PPFIA4: variants seen among roughly 807,000 people sequenced by gnomAD.
PPFIA4 encodes the protein PPFI scaffold protein A4.
In PPFIA4, 98 loss-of-function variants were observed where a neutral mutation model predicts 145.7. That is an observed-to-expected ratio of 0.67 (90% CI 0.57 to 0.80). PPFIA4 has a LOEUF of 0.80. PPFIA4 is among the 30% of genes least tolerant of loss of function. The pLI is 0.00. For missense variants in PPFIA4, 1,457 were observed against 1,632.7 expected (o/e 0.89, Z 1.85); for synonymous variants, 628 against 649.6 (o/e 0.97, Z 0.51).
chr1:203,052,197 CT>C (rs1261868740), intron 14 of PPFIA4, among the ~76,000 whole-genome samples: 2 of 152,006 alleles, frequency 1.3e-5, no homozygotes. Flanking sequence ...GGTGGGGGAG[CT>C]TCACGGGTAA....
intron 14 of PPFIA4, among the ~76,000 whole-genome samples, 171 bp downstream of exon 14, chr1:203,052,048 C>A (rs565812070): frequency 1.5e-5 from 2 of 136,278 alleles, no homozygotes; most frequent in African/African-American, 5.7e-5. Context: ...CAGCTGTGCC[C>A]CCCCCCCCGC....
Position 203,076,344 on chromosome 1 carries a change from A to G in PPFIA4, c.3578A>G (p.His1193Arg). The G allele has an allele frequency of 1.2e-6, 2 of 1,604,686 alleles. No homozygotes were observed. Among genetic ancestry groups the G allele is most frequent in the South Asian group, 1.1e-5 (1 of 91,024 alleles). The change falls in exon 30 of 30, where the codon CAC (histidine) becomes CGC (arginine). Residue 1193 changes from histidine (H) to arginine (R), a missense_variant. His to Arg is a conservative substitution (Grantham distance 29, BLOSUM62 0). This residue lies in a region of PPFIA4 where 146 missense variants were observed against 126.2 expected (regional missense o/e 1.16). Transcript: ENST00000295706. Reference sequence around the variant, plus strand: ...CCTGTCTCTCTCTCTCCCTCAGCTCACTCCCACTATCTCTACGGACACATG... The same window carrying G: ...CCTGTCTCTCTCTCTCCCTCAGCTCGCTCCCACTATCTCTACGGACACATG... ...APPKKIMPEA[H>R]SHYLYGHMLS...
At position 203,043,311 on chromosome 1, in the gene PPFIA4, G is replaced by A. The variant is rs1471282355; in HGVS notation, c.235-86G>A. ...GAGGTGGTGGAAGTAAGGGATGGGT[G>A]AGAGGATCCCACCACTGACTTGCAT... On this transcript the variant is annotated intron_variant, in intron 2 of 29. Transcript: ENST00000295706. The surrounding 1 kb of genome is among the most constrained non-coding windows in gnomAD (Gnocchi z 4.4). The A allele has an allele frequency of 2.5e-6, 3 of 1,182,044 alleles. No individual in the cohort carries two copies. The highest frequency in any genetic ancestry group is 2.6e-5 in the East Asian group (1 of 39,066). 73.2% of individuals were successfully genotyped at this position (1,182,044 alleles called of 1,614,324 possible).
chr1:203,070,194 G>C (rs564475910), intron 27 of PPFIA4, among the ~76,000 whole-genome samples: 4 of 152,086 alleles, frequency 2.6e-5, no homozygotes, highest in Non-Finnish European at 5.9e-5. Context: ...CCTCCCTATG[G>C]CTTTCTAACC....
At chr1:203,053,553 A>C in intron 14 of PPFIA4, 200 bp from the exon 15 acceptor site, 1 of 416,342 alleles carries the variant, frequency 2.4e-6, no homozygotes. Context: ...CAAACCAAAA[A>C]CCAAAAACCA....
chr1:203,028,440 A>T (rs953302631), intron 1 of PPFIA4, among the ~76,000 whole-genome samples: 1 of 152,166 alleles, frequency 6.6e-6, no homozygotes, highest in Non-Finnish European at 1.5e-5. Context: ...GAGAATGAGT[A>T]GTCAGGCTGT....
chr1:203,049,631 T>G (rs1338496463), intron 12 of PPFIA4, 45 bp from the exon 13 acceptor site: 17 of 756,112 alleles, frequency 2.2e-5, no homozygotes, highest in Non-Finnish European at 3.2e-5. Context: ...TCTCTGCCCC[T>G]CCCTGGCCCC....
At chr1:203,064,560 C>G (rs2102681045) in intron 25 of PPFIA4, among the ~76,000 whole-genome samples, 2 of 152,320 alleles carry the variant, frequency 1.3e-5, no homozygotes, top group Middle Eastern at 6.8e-3. Flanking sequence ...CGGCGCAGGT[C>G]CCAAACTGGC....
At chr1:203,041,405 A>G (rs1659685503) in intron 2 of PPFIA4, among the ~76,000 whole-genome samples, 1 of 152,202 alleles carries the variant, frequency 6.6e-6, no homozygotes, top group Non-Finnish European at 1.5e-5. Flanking sequence ...CAGCCTGGGC[A>G]ATGTGGCAAA....
intron 25 of PPFIA4, among the ~76,000 whole-genome samples, chr1:203,066,814 G>A (rs1203821383): frequency 1.3e-5 from 2 of 152,194 alleles, no homozygotes; most frequent in East Asian, 3.8e-4. Context: ...TAGAGTCCCT[G>A]CTCTGTGCTA....
At chr1:203,027,726 G>A (rs747842627) in intron 1 of PPFIA4, among the ~76,000 whole-genome samples, 11 of 152,226 alleles carry the variant, frequency 7.2e-5, no homozygotes, top group Non-Finnish European at 1.6e-4. Flanking sequence ...TATGCTCGGT[G>A]CTAGGTCTTC....
intron 18 of PPFIA4, 42 bp downstream of exon 18, chr1:203,056,550 G>A (rs200518979): frequency 1.9e-6 from 3 of 1,600,056 alleles, no homozygotes; most frequent in East Asian, 2.3e-5. Context: ...CCATCCACAG[G>A]GTCCTCTCCT....
At chr1:203,046,449 A>AG in intron 9 of PPFIA4, 67 bp downstream of exon 9, 1 of 1,501,436 alleles carries the variant, frequency 6.7e-7, no homozygotes. Context: ...GGAGCCAGGC[A>AG]GGGAAGGGAG....
In PPFIA4 at chr1:203,056,930, G is replaced by A. The variant is rs201705001; in HGVS notation, c.2387G>A (p.Arg796Gln). Residue 796 changes from arginine (R) to glutamine (Q), a missense_variant, in exon 19 of 30, where the codon CGG (arginine) becomes CAG (glutamine). Physicochemically the swap from Arg to Gln is conservative, Grantham distance 43 (BLOSUM62 1). Around this residue, in one of 3 missense-constraint regions of PPFIA4, gnomAD observed 848 missense variants for 1,046.7 expected, o/e 0.81. Transcript: ENST00000295706. ...KEKGRLIQLS[R>Q]DGATGHVLLT... ...AAGGGCAGGCTGATCCAGCTGAGTC[G>A]GGATGGAGCCACAGGCCATGGTCTC... The A allele has an allele frequency of 2.0e-4, 325 of 1,613,922 alleles. No individual in the cohort carries two copies. The highest frequency in any genetic ancestry group is 2.7e-4 in the Non-Finnish European group (315 of 1,179,906).
chr1:203,057,787 T>TG (rs1396239050), intron 19 of PPFIA4, among the ~76,000 whole-genome samples: 1 of 151,976 alleles, frequency 6.6e-6, no homozygotes, highest in Non-Finnish European at 1.5e-5. Context: ...TATGGAATGG[T>TG]GGGGACAACA....
At chr1:203,034,499 A>G (rs1273201097) in intron 1 of PPFIA4, 3 of 456,554 alleles carry the variant, frequency 6.6e-6, no homozygotes, top group South Asian at 1.5e-5. Context: ...TGAGAGCCCC[A>G]AGGACGAGGG....
In PPFIA4 at chr1:203,038,976, C is replaced by G. The variant is rs145592374; in HGVS notation, c.-33C>G. On this transcript the variant is annotated 5_prime_UTR_variant, in exon 2 of 30. Coordinates refer to ENST00000295706, the MANE Select transcript of PPFIA4 (RefSeq NM_001304331.2). ...CAACCCTGTGAGTCCCTCCCTGTCC[C>G]CTGACGCTGAGAAGGCCCTGCCAAC... 5.7e-6 allele frequency: 7 copies of G among 1,233,948 alleles called. No individual in the cohort carries two copies. The highest frequency in any genetic ancestry group is 6.8e-6 in the Non-Finnish European group (6 of 882,518). 76.4% of individuals were successfully genotyped at this position (1,233,948 alleles called of 1,614,324 possible).
chr1:203,053,661 T>C, intron 14 of PPFIA4, 92 bp from the exon 15 acceptor site: 3 of 1,041,234 alleles, frequency 2.9e-6, no homozygotes, highest in African/African-American at 1.6e-5. Context: ...TCCCAGGAGA[T>C]GCCAGTGCTG....
chr1:203,077,601 A>G lies in PPFIA4; in HGVS notation c.*1211A>G, dbSNP rs1476139769. The G allele has an allele frequency of 6.6e-6, 1 of 152,132 alleles. No homozygotes were observed. Among genetic ancestry groups the G allele is most frequent in the African/African-American group, 2.4e-5 (1 of 41,410 alleles). 9.4% of individuals were successfully genotyped at this position (152,132 alleles called of 1,614,324 possible). A position where few individuals can be genotyped will look rare whatever the true frequency, so the allele number is the denominator to read the frequency against. ...TCCCCAAATCACCTAACCCTCATCC[A>G]GGGCTATTTTGGTGGGCAGGGACTG... On this transcript the variant is annotated 3_prime_UTR_variant, in exon 30 of 30. Transcript: ENST00000295706.
Sources: allele counts gnomAD v4.1 joint callset (sites outside exome capture counted in the v4.1 genomes callset), GRCh38; gene constraint gnomAD v4.1.1; regional missense constraint gnomAD v4.1.1; non-coding constraint Gnocchi (gnomAD v3.1); transcripts MANE v1.5; gene names NCBI Gene and HGNC (gene_info 2026-07-23, HGNC 2026-07-21).